CYP39A1: variants seen among roughly 807,000 people sequenced by gnomAD.
CYP39A1 encodes cytochrome P450 family 39 subfamily A member 1.
In CYP39A1, 49 loss-of-function variants were observed where a neutral mutation model predicts 58.1. That is an observed-to-expected ratio of 0.84 (90% CI 0.67 to 1.07). The LOEUF (loss-of-function observed/expected upper bound fraction) is 1.07, where lower values mean the gene tolerates loss of function less well. Ranked by LOEUF, CYP39A1 falls within the 50% of genes least tolerant of loss-of-function variation. The probability of loss-of-function intolerance (pLI) is 0.00; values close to 1 mark genes in which losing one functional copy is unlikely to be tolerated. For missense variants in CYP39A1, 531 were observed against 539.4 expected (o/e 0.98, Z 0.16); for synonymous variants, 209 against 187.6 (o/e 1.11, Z -0.93).
intron 7 of CYP39A1, among the ~76,000 whole-genome samples, chr6:46,621,492 G>A (rs1047979678): frequency 1.3e-5 from 2 of 152,104 alleles, no homozygotes; most frequent in African/African-American, 4.8e-5. Context: ...TGGTTTTCCA[G>A]TGCCCTTACA....
rs1009722424 is a variant in CYP39A1 at position 46,582,944 on chromosome 6, G to A, written c.1250+4133C>T. On this transcript the variant is annotated intron_variant, in intron 10 of 11. Coordinates refer to ENST00000275016, the MANE Select transcript of CYP39A1 (RefSeq NM_016593.5). ...TATTAATACTAGATGCTCAAGAGAT[G>A]TTTGGTTAAAAACAGTACTACTAAA... 2.0e-5 allele frequency: 8 copies of A among 407,842 alleles called. No homozygotes were observed. In the Admixed American group the frequency reaches 3.9e-4, roughly 20 times the overall value. The allele number at this position is 407,842 out of a possible 1,614,324, so 25.3% of individuals were successfully genotyped here.
chr6:46,631,069 G>T lies in CYP39A1; in HGVS notation c.734C>A (p.Thr245Lys). 6.2e-7 allele frequency: 1 copy of T among 1,610,890 alleles called. No homozygotes were observed. The highest frequency in any genetic ancestry group is 8.5e-7 in the Non-Finnish European group (1 of 1,177,748). The change falls in exon 6 of 12, where the codon ACA (threonine) becomes AAA (lysine). Residue 245 changes from threonine (T) to lysine (K), a missense_variant and splice_region_variant. Transcript: ENST00000275016. ...AATATCCAGCGTAGCTTGCAATAAT[G>T]TCTGTTTAAAAGAAATAAACATTGC... ...ACKSAKDNSM[T>K]LLQATLDIVE...
At chr6:46,597,301 CACTTAGT>C (rs1773227807) in intron 7 of CYP39A1, among the ~76,000 whole-genome samples, 1 of 152,066 alleles carries the variant, frequency 6.6e-6, no homozygotes, top group African/African-American at 2.4e-5. Flanking sequence ...GCTTGCAATA[CACTTAGT>C]CTACTAGGAG....
intron 10 of CYP39A1, among the ~76,000 whole-genome samples, chr6:46,556,985 G>A (rs1291623497): frequency 6.6e-6 from 1 of 152,084 alleles, no homozygotes; most frequent in African/African-American, 2.4e-5. Context: ...AGAACAGCAT[G>A]ATGAGGAGAG....
chr6:46,595,152 T>C (rs1773072094), intron 8 of CYP39A1, among the ~76,000 whole-genome samples: 1 of 151,648 alleles, frequency 6.6e-6, no homozygotes. Flanking sequence ...ATCATAAAGA[T>C]GAAAGATAAT....
intron 10 of CYP39A1, among the ~76,000 whole-genome samples, chr6:46,580,918 G>A (rs773769441): frequency 6.6e-6 from 1 of 151,992 alleles, no homozygotes; most frequent in Admixed American, 6.6e-5. Flanking sequence ...AAAATAGTTC[G>A]GTCACTATAA....
chr6:46,572,274 T>C lies in CYP39A1; in HGVS notation c.1250+14803A>G, dbSNP rs112288693. ...ACCATGACCAGTGGGTTTTATACTT[T>C]CATGCATTTTTATGTTATTAATTTG... On this transcript the variant is annotated intron_variant, in intron 10 of 11. Coordinates refer to ENST00000275016, the MANE Select transcript of CYP39A1 (RefSeq NM_016593.5). Among the ~76,000 whole-genome samples, 391 of 152,268 alleles carry C rather than the reference T, an allele frequency of 2.6e-3. 2 individuals carry two copies. Among genetic ancestry groups the C allele is most frequent in the African/African-American group, 9.1e-3 (378 of 41,564 alleles).
At chr6:46,592,924 C>A (rs965480205) in intron 8 of CYP39A1, among the ~76,000 whole-genome samples, 3 of 152,104 alleles carry the variant, frequency 2.0e-5, no homozygotes, top group African/African-American at 7.2e-5. Flanking sequence ...TCACTGCACT[C>A]CAGCATGGGC....
Position 46,588,051 on chromosome 6 carries a change from G to A in CYP39A1, c.1144C>T (p.Pro382Ser). ...TAACTTACAGGTTTGAACAATTCAG[G>A]CTCAGGAAAATACTTTGGATTTCTA... ...LHRNPKYFPE[P>S]ELFKPERWKK... The change falls in exon 9 of 12, where the codon CCT becomes TCT. Residue 382 changes from proline (P) to serine (S), a missense_variant. Physicochemically the swap from Pro to Ser is moderately conservative, Grantham distance 74. Transcript: ENST00000275016. 2 of 1,577,850 alleles carry A rather than the reference G, an allele frequency of 1.3e-6. No homozygotes were observed. Among genetic ancestry groups the A allele is most frequent in the Non-Finnish European group, 8.6e-7 (1 of 1,158,370 alleles).
chr6:46,617,838 C>A (rs955981539), intron 7 of CYP39A1, among the ~76,000 whole-genome samples: 2 of 152,110 alleles, frequency 1.3e-5, no homozygotes, highest in Non-Finnish European at 2.9e-5. Flanking sequence ...ACTTAATTAG[C>A]GCTGACTATT....
At chr6:46,648,385 C>T (rs923312353) in intron 1 of CYP39A1, among the ~76,000 whole-genome samples, 2 of 151,492 alleles carry the variant, frequency 1.3e-5, no homozygotes, top group Non-Finnish European at 2.9e-5. Context: ...AGCTGGAAAC[C>T]ATCATTCTCA....
chr6:46,644,428 G>GT (rs1776527049), intron 1 of CYP39A1, among the ~76,000 whole-genome samples: 1 of 152,164 alleles, frequency 6.6e-6, no homozygotes, highest in Non-Finnish European at 1.5e-5. Context: ...TGAGGCAGGA[G>GT]TATCACTTGA....
chr6:46,581,714 C>G (rs1772142687), intron 10 of CYP39A1, among the ~76,000 whole-genome samples: 1 of 152,006 alleles, frequency 6.6e-6, no homozygotes, highest in Admixed American at 6.6e-5. Flanking sequence ...ATTTGTATAT[C>G]AAACTCCTGA....
At position 46,646,204 on chromosome 6, in the gene CYP39A1, T is replaced by C. The variant is rs12214916; in HGVS notation, c.178-3906A>G. On this transcript the variant is annotated intron_variant, in intron 1 of 11. Coordinates refer to ENST00000275016, the MANE Select transcript of CYP39A1 (RefSeq NM_016593.5). ...GATCTTTGCTTTGTTCCCAATCACA[T>C]GGGGGAAGTATTTAGTCTTTCATCA... Among the ~76,000 whole-genome samples, 326 of 152,168 alleles carry C rather than the reference T, an allele frequency of 2.1e-3. 3 individuals carry two copies. Among genetic ancestry groups the C allele is most frequent in the South Asian group, 0.012 (60 of 4,826 alleles).
chr6:46,596,651 A>G lies in CYP39A1; in HGVS notation c.932-531T>C, dbSNP rs138263555. Among the ~76,000 whole-genome samples the G allele has an allele frequency of 1.9e-3, 292 of 152,146 alleles. 1 individual carries two copies. Among genetic ancestry groups the G allele is most frequent in the African/African-American group, 6.8e-3 (282 of 41,518 alleles). On this transcript the variant is annotated intron_variant, in intron 7 of 11. Transcript: ENST00000275016. The stretch of plus-strand genomic sequence containing the variant: ...ACAAGTATCTGAGCTGGAAGAATGA[A>G]GATGCCCTCTAAACACAGGTGCATC...
chr6:46,607,228 T>G (rs1773903126), intron 7 of CYP39A1, among the ~76,000 whole-genome samples: 1 of 152,142 alleles, frequency 6.6e-6, no homozygotes, highest in Admixed American at 6.5e-5. Context: ...TAAATATCTC[T>G]AAGTTTCATA....
At chr6:46,554,301 C>G (rs961328745) in intron 10 of CYP39A1, among the ~76,000 whole-genome samples, 2 of 152,190 alleles carry the variant, frequency 1.3e-5, no homozygotes, top group African/African-American at 4.8e-5. Flanking sequence ...CTATACTGGA[C>G]AGTGTATATT....
rs1773139374 is a variant in CYP39A1 at position 46,596,111 on chromosome 6, T to C, written c.941A>G (p.Lys314Arg). ...SSVFGKAGKD[K>R]IKVSEDDLEN... The stretch of plus-strand genomic sequence containing the variant: ...CAGGTCATCCTCAGACACTTTAATC[T>C]TATCTTTGCCTGTAAAAAAATTTTT... The change falls in exon 8 of 12, where the codon AAG becomes AGG. Residue 314 changes from lysine to arginine, a missense_variant. Transcript: ENST00000275016. The C allele has an allele frequency of 1.9e-6, 3 of 1,600,772 alleles. No individual in the cohort carries two copies. In the South Asian group the frequency reaches 3.4e-5, roughly 18 times the overall value.
At chr6:46,556,618 C>T (rs987817387) in intron 10 of CYP39A1, among the ~76,000 whole-genome samples, 1 of 152,106 alleles carries the variant, frequency 6.6e-6, no homozygotes, top group Non-Finnish European at 1.5e-5. Context: ...AGCACATGGA[C>T]CATTAGCTAG....
Sources: gnomAD v4.1 joint callset for allele counts (sites outside exome capture counted in the v4.1 genomes callset) on GRCh38, gnomAD v4.1.1 for gene constraint, MANE v1.5 for transcripts, NCBI Gene and HGNC (gene_info 2026-07-23, HGNC 2026-07-21) for gene names.